The following STPG1 variants were observed in gnomAD, a reference collection of about 807,000 sequenced individuals.
STPG1 encodes sperm tail PG-rich repeat containing 1.
STPG1 carries 33 observed loss-of-function variants against 40.1 expected under a neutral mutation model. That is an observed-to-expected ratio of 0.82 (90% CI 0.62 to 1.10). The LOEUF (loss-of-function observed/expected upper bound fraction) is 1.10, where lower values mean the gene tolerates loss of function less well. Ranked by LOEUF, STPG1 falls within the 50% of genes least tolerant of loss-of-function variation. STPG1 has a pLI of 0.00. For missense variants in STPG1, 396 were observed against 415.1 expected, an observed-to-expected ratio of 0.95 and a Z score of 0.40; for synonymous variants, 150 against 155.0, an observed-to-expected ratio of 0.97 and a Z score of 0.24.
chr1:24,393,083 T>C (rs1642847926), intron 2 of STPG1, among the ~76,000 whole-genome samples: 1 of 152,178 alleles, frequency 6.6e-6, no homozygotes, highest in Admixed American at 6.5e-5. Flanking sequence ...AGGGATTAAG[T>C]TACTCATCCG....
chr1:24,389,804 T>TA (rs1642683951), intron 3 of STPG1, among the ~76,000 whole-genome samples: 1 of 152,106 alleles, frequency 6.6e-6, no homozygotes, highest in Non-Finnish European at 1.5e-5. Context: ...ACAGAGAAAC[T>TA]AGGGAGAGAA....
intron 2 of STPG1, among the ~76,000 whole-genome samples, chr1:24,394,668 G>GA (rs1642916661): frequency 6.6e-6 from 1 of 152,000 alleles, no homozygotes; most frequent in Non-Finnish European, 1.5e-5. Flanking sequence ...TACCAGATGT[G>GA]AAAACTAAAT....
chr1:24,387,293 A>G lies in STPG1; in HGVS notation c.190-3290T>C, dbSNP rs528760430. ...AGATGTATCACAACAGTGCTCATGGATGGATGTGTGGTCGTGACTCCATGG... is the reference window on the plus strand; with the variant it reads ...AGATGTATCACAACAGTGCTCATGGGTGGATGTGTGGTCGTGACTCCATGG... On this transcript the variant is annotated intron_variant, in intron 3 of 8. Coordinates refer to ENST00000337248, the MANE Select transcript of STPG1 (RefSeq NM_001199013.2). Among the ~76,000 whole-genome samples the G allele has an allele frequency of 3.9e-5, 6 of 152,294 alleles. No individual in the cohort carries two copies. In the South Asian group the frequency reaches 1.2e-3, roughly 32 times the overall value.
intron 3 of STPG1, among the ~76,000 whole-genome samples, 171 bp from the exon 4 acceptor site, chr1:24,384,174 G>A (rs756204232): frequency 3.9e-5 from 6 of 152,202 alleles, no homozygotes; most frequent in South Asian, 4.1e-4. Flanking sequence ...CCCGATCTTC[G>A]TCTCAGTTAC....
At chr1:24,372,266 G>A (rs1253402351) in intron 6 of STPG1, among the ~76,000 whole-genome samples, 30 of 152,208 alleles carry the variant, frequency 2.0e-4, no homozygotes, top group Admixed American at 2.0e-3. Context: ...TCCTCTGCCT[G>A]TGAAGTGGGG....
At chr1:24,404,603 G>A (rs77909080) in intron 1 of STPG1, among the ~76,000 whole-genome samples, 3,213 of 152,202 alleles carry the variant, frequency 0.021, 52 homozygotes, top group Non-Finnish European at 0.028. Flanking sequence ...AATACATACA[G>A]GGCTCTTCAG....
intron 7 of STPG1, among the ~76,000 whole-genome samples, chr1:24,368,450 T>G (rs1278566296): frequency 6.6e-6 from 1 of 152,178 alleles, no homozygotes; most frequent in African/African-American, 2.4e-5. Flanking sequence ...TGGCCAGCTC[T>G]GTCTGGAGGG....
At chr1:24,380,907 T>G (rs1319309265) in intron 4 of STPG1, among the ~76,000 whole-genome samples, 1 of 152,196 alleles carries the variant, frequency 6.6e-6, no homozygotes, top group East Asian at 1.9e-4. Context: ...CTACATGCAG[T>G]GTGTAAGGAT....
chr1:24,373,382 G>C (rs3765425), intron 6 of STPG1, among the ~76,000 whole-genome samples: 52,851 of 151,978 alleles, frequency 0.35, 9,278 homozygotes, highest in East Asian at 0.45. Context: ...CCTAATGGCA[G>C]CTGGGGTATA....
intron 3 of STPG1, among the ~76,000 whole-genome samples, chr1:24,385,130 T>C (rs947562445): frequency 7.2e-5 from 11 of 152,166 alleles, no homozygotes; most frequent in African/African-American, 2.7e-4. Flanking sequence ...ACTGCCTTCC[T>C]TAGGGTAGAA....
intron 1 of STPG1, among the ~76,000 whole-genome samples, chr1:24,409,773 T>C (rs1643545166): frequency 1.3e-5 from 2 of 152,158 alleles, no homozygotes; most frequent in South Asian, 4.1e-4. Flanking sequence ...GCCATCTCGA[T>C]TGTCAGATCC....
At chr1:24,409,761 T>C (rs547026244) in intron 1 of STPG1, among the ~76,000 whole-genome samples, 79 of 152,320 alleles carry the variant, frequency 5.2e-4, no homozygotes, top group African/African-American at 1.9e-3. Flanking sequence ...AGTCACTTAG[T>C]AGCCATCTCG....
chr1:24,402,926 C>T (rs1643282572), intron 1 of STPG1, among the ~76,000 whole-genome samples: 2 of 152,078 alleles, frequency 1.3e-5, no homozygotes, highest in African/African-American at 2.4e-5. Context: ...TTTCTTAACA[C>T]TATCTTATGA....
intron 3 of STPG1, among the ~76,000 whole-genome samples, chr1:24,389,250 G>A (rs751534159): frequency 3.0e-4 from 46 of 152,112 alleles, no homozygotes; most frequent in Non-Finnish European, 6.0e-4. Flanking sequence ...GAATTTGAGT[G>A]TTCAGAACTA....
At chr1:24,391,417 C>T in intron 3 of STPG1, 144 bp downstream of exon 3, 1 of 542,372 alleles carries the variant, frequency 1.8e-6, no homozygotes, top group Non-Finnish European at 3.3e-6. Context: ...GTCGGTGCCC[C>T]TCAGTGGAGC....
chr1:24,388,632 G>A (rs190877424), intron 3 of STPG1, among the ~76,000 whole-genome samples: 7 of 152,340 alleles, frequency 4.6e-5, no homozygotes, highest in East Asian at 1.9e-4. Flanking sequence ...GGACTACTGC[G>A]AGGAGGCAGC....
chr1:24,359,447 C>T lies in STPG1; in HGVS notation c.929-828G>A, dbSNP rs1006740425. 6.6e-6 allele frequency among the ~76,000 whole-genome samples: 1 copy of T among 152,208 alleles called. No homozygotes were observed. Among genetic ancestry groups the T allele is most frequent in the Admixed American group, 6.5e-5 (1 of 15,286 alleles). On this transcript the variant is annotated intron_variant, in intron 8 of 8. Coordinates refer to ENST00000337248, the MANE Select transcript of STPG1 (RefSeq NM_001199013.2). The surrounding 1 kb of genome is among the most constrained non-coding windows in gnomAD (Gnocchi z 5.3). The stretch of plus-strand genomic sequence containing the variant: ...CATGTTTGCAATGCTGAGTTCTCCT[C>T]GACTGACTAGATGAGCCCCAGATCA...
chr1:24,401,325 G>A lies in STPG1; in HGVS notation c.64C>T (p.Gln22Ter). The A allele has an allele frequency of 1.9e-6, 3 of 1,613,966 alleles. No homozygotes were observed. The highest frequency in any genetic ancestry group is 2.5e-6 in the Non-Finnish European group (3 of 1,179,900). Residue 22 changes from glutamine (Q) to a stop codon, truncating the protein, a stop_gained, in exon 2 of 9, where the codon CAG becomes TAG. Coordinates refer to ENST00000337248, the MANE Select transcript of STPG1 (RefSeq NM_001199013.2). LOFTEE classifies it high-confidence loss of function. The part of the protein sequence containing the change: ...GKHPRRASEV[Q>*]KGFTAAYPTQ... The stretch of plus-strand genomic sequence containing the variant: ...CCTGCAAAGACACATGTACCTTTCT[G>A]TACTTCACTGGCACGTCTGGGATGT...
At chr1:24,374,481 G>A (rs890884381) in intron 5 of STPG1, among the ~76,000 whole-genome samples, 2 of 151,986 alleles carry the variant, frequency 1.3e-5, no homozygotes, top group South Asian at 2.1e-4. Context: ...GGATGGCCTC[G>A]ATCTCCTGAC....
Sources: allele counts gnomAD v4.1 joint callset (sites outside exome capture counted in the v4.1 genomes callset), GRCh38; gene constraint gnomAD v4.1.1; non-coding constraint Gnocchi (gnomAD v3.1); transcripts MANE v1.5; gene names NCBI Gene and HGNC (gene_info 2026-07-23, HGNC 2026-07-21).